TYW1: variants seen among roughly 807,000 people sequenced by gnomAD.
TYW1 encodes S-adenosyl-L-methionine-dependent tRNA 4-demethylwyosine synthase TYW1.
A neutral mutation model predicts 96.2 loss-of-function variants in TYW1; 46 were observed. The ratio of observed to expected loss-of-function variants is 0.48; its 90% confidence interval spans 0.38 to 0.61. TYW1 has a LOEUF of 0.61. Among genes scored for constraint, TYW1 ranks in the 20% least tolerant of loss-of-function variants. The pLI, the probability that TYW1 is intolerant of heterozygous loss-of-function variation, is 0.00. For missense variants in TYW1, 684 were observed against 909.6 expected (o/e 0.75, Z 3.19); for synonymous variants, 274 against 323.0 (o/e 0.85, Z 1.63).
intron 6 of TYW1, among the ~76,000 whole-genome samples, chr7:67,019,592 C>T (rs772453463): frequency 6.6e-6 from 1 of 152,268 alleles, no homozygotes; most frequent in Non-Finnish European, 1.5e-5. Context: ...CCTCGGACAG[C>T]GCTGGGATTG....
At chr7:67,022,692 T>C (rs1794315316) in intron 6 of TYW1, among the ~76,000 whole-genome samples, 1 of 152,198 alleles carries the variant, frequency 6.6e-6, no homozygotes, top group African/African-American at 2.4e-5. Context: ...GGCATGAGGC[T>C]GGGATATCAG....
chr7:67,134,457 G>C (rs1339616209), intron 13 of TYW1, among the ~76,000 whole-genome samples: 1 of 151,766 alleles, frequency 6.6e-6, no homozygotes, highest in Non-Finnish European at 1.5e-5. Flanking sequence ...CAGGAGAATC[G>C]CTTGAACCCG....
chr7:67,202,630 C>G (rs547406767), intron 15 of TYW1, among the ~76,000 whole-genome samples: 1 of 152,114 alleles, frequency 6.6e-6, no homozygotes, highest in African/African-American at 2.4e-5. Flanking sequence ...CTCCTGGGCT[C>G]GAGCAGCCCT....
At chr7:67,000,091 A>C (rs1478488063) in intron 3 of TYW1, among the ~76,000 whole-genome samples, 2 of 151,772 alleles carry the variant, frequency 1.3e-5, no homozygotes, top group Admixed American at 1.3e-4. Context: ...GCATGCCACC[A>C]TACCCAGCTA....
At chr7:67,090,846 A>T in intron 11 of TYW1, among the ~76,000 whole-genome samples, 1 of 152,160 alleles carries the variant, frequency 6.6e-6, no homozygotes, top group East Asian at 1.9e-4. Context: ...GAGAAATGCA[A>T]ATCAAAACCA....
intron 13 of TYW1, among the ~76,000 whole-genome samples, chr7:67,182,590 A>AG (rs1414895163): frequency 2.0e-5 from 3 of 152,176 alleles, no homozygotes; most frequent in African/African-American, 7.2e-5. Flanking sequence ...AAAGCAAGCC[A>AG]GTCCCTCTTG....
intron 15 of TYW1, among the ~76,000 whole-genome samples, chr7:67,229,216 T>C (rs1316745489): frequency 6.6e-6 from 1 of 152,132 alleles, no homozygotes; most frequent in Non-Finnish European, 1.5e-5. Flanking sequence ...TTAGACTGAA[T>C]GCCAAGAGAA....
At chr7:67,195,443 G>C in intron 15 of TYW1, 106 bp downstream of exon 15, 3 of 1,537,106 alleles carry the variant, frequency 2.0e-6, no homozygotes, top group Non-Finnish European at 2.7e-6. Flanking sequence ...TTATCTGCTT[G>C]TTTGCTACCT....
intron 15 of TYW1, among the ~76,000 whole-genome samples, chr7:67,210,244 T>A (rs4486076): frequency 0.27 from 40,744 of 152,066 alleles, 5,827 homozygotes; most frequent in African/African-American, 0.36. Flanking sequence ...TTATTGAAAT[T>A]TGTCTGATGT....
chr7:67,140,593 C>T (rs1798419085), intron 13 of TYW1, among the ~76,000 whole-genome samples: 1 of 146,668 alleles, frequency 6.8e-6, no homozygotes, highest in South Asian at 2.2e-4. Context: ...ATGAAATCCA[C>T]ACAGCTCTTA....
intron 15 of TYW1, among the ~76,000 whole-genome samples, chr7:67,196,542 G>A (rs1800400080): frequency 2.0e-5 from 3 of 152,266 alleles, no homozygotes; most frequent in South Asian, 2.1e-4. Flanking sequence ...CTCTAATGTG[G>A]TGTTTTAGAT....
At chr7:67,136,650 CGT>C (rs59522817) in intron 13 of TYW1, among the ~76,000 whole-genome samples, 8,171 of 143,928 alleles carry the variant, frequency 0.057, 213 homozygotes, top group Non-Finnish European at 0.071. Flanking sequence ...TTATACAGTG[CGT>C]GTGTGTGTGT....
intron 7 of TYW1, among the ~76,000 whole-genome samples, chr7:67,028,097 G>A (rs978886675): frequency 6.6e-6 from 1 of 151,318 alleles, no homozygotes; most frequent in Non-Finnish European, 1.5e-5. Flanking sequence ...AAATAAGCTG[G>A]GCATAGTGGC....
intron 12 of TYW1, among the ~76,000 whole-genome samples, chr7:67,099,415 C>T (rs1418064065): frequency 2.6e-5 from 4 of 152,046 alleles, no homozygotes; most frequent in Non-Finnish European, 1.5e-5. Flanking sequence ...CTGAGAAAGA[C>T]GTGGAGTTGG....
intron 4 of TYW1, among the ~76,000 whole-genome samples, chr7:67,011,935 C>T (rs1793816651): frequency 6.6e-6 from 1 of 151,294 alleles, no homozygotes; most frequent in African/African-American, 2.4e-5. Flanking sequence ...ACGTGAAGGG[C>T]CAGGTAGTAT....
At chr7:67,156,779 G>T (rs1798989941) in intron 13 of TYW1, among the ~76,000 whole-genome samples, 1 of 151,816 alleles carries the variant, frequency 6.6e-6, no homozygotes, top group Admixed American at 6.6e-5. Context: ...GTGCTGTGAT[G>T]TAGTTGCTTG....
chr7:67,121,339 C>A (rs1203753147), intron 13 of TYW1, among the ~76,000 whole-genome samples: 6 of 152,268 alleles, frequency 3.9e-5, no homozygotes, highest in Non-Finnish European at 7.4e-5. Context: ...AGTTCAAGAC[C>A]AGCCCGGTTA....
At chr7:67,052,053 C>T (rs910842558) in intron 8 of TYW1, among the ~76,000 whole-genome samples, 2 of 152,128 alleles carry the variant, frequency 1.3e-5, no homozygotes, top group Non-Finnish European at 2.9e-5. Context: ...GATCCTCCTT[C>T]TCCCAACCCC....
intron 15 of TYW1, among the ~76,000 whole-genome samples, chr7:67,227,252 CTAT>C (rs767817983): frequency 7.2e-6 from 1 of 139,062 alleles, no homozygotes; most frequent in East Asian, 2.0e-4. Context: ...ACCAGATATT[CTAT>C]TATTATTATT....
Sources: allele counts gnomAD v4.1 joint callset (sites outside exome capture counted in the v4.1 genomes callset), GRCh38; gene constraint gnomAD v4.1.1; transcripts MANE v1.5; gene names NCBI Gene and HGNC (gene_info 2026-07-23, HGNC 2026-07-21).